The following ACTR1A variants were observed in gnomAD, a reference collection of about 807,000 sequenced individuals.
ACTR1A encodes alpha-centractin.
Under a neutral mutation model 50.7 loss-of-function variants are expected in ACTR1A, and 10 were observed. The observed-to-expected ratio is 0.20, with a 90% CI of 0.12 to 0.33. The LOEUF (loss-of-function observed/expected upper bound fraction) is 0.33. Ranked by LOEUF, ACTR1A falls within the 10% of genes least tolerant of loss-of-function variation. The pLI is 1.00. For synonymous variants in ACTR1A, 177 were observed against 184.2 expected (o/e 0.96, Z 0.32); for missense variants, 253 against 491.7 (o/e 0.51, Z 4.59).
intron 1 of ACTR1A, 115 bp downstream of exon 1, chr10:102,502,485 G>C (rs1227741920): frequency 3.4e-5 from 40 of 1,165,366 alleles, no homozygotes; most frequent in Non-Finnish European, 4.8e-5. Context: ...GGCTGAACGC[G>C]CCTGACAGGC....
rs1255889477 is a variant in ACTR1A, at chr10:102,482,133, G to A, written c.793C>T (p.Pro265Ser). ...TCACTCTCCTCTCCAATCAAATCTG[G>A]CCTGAAGAGCAACTCAGGGGCCCGG... ...RFRAPELLFR[P>S]DLIGEESEGI... Residue 265 changes from proline to serine, a missense_variant, in exon 8 of 11, where the codon CCA becomes TCA. Pro to Ser is a moderately conservative substitution (Grantham distance 74). This residue lies in a region of ACTR1A where 116 missense variants were observed against 155.9 expected (regional missense o/e 0.74). Transcript: ENST00000369905. This position sits in a 1 kb window ranked among gnomAD's most constrained non-coding sequence, Gnocchi z 5.6. The A allele has an allele frequency of 1.2e-6, 2 of 1,613,966 alleles. No homozygotes were observed. The highest frequency in any genetic ancestry group is 8.5e-7 in the Non-Finnish European group (1 of 1,180,026).
At chr10:102,484,091 G>A in intron 6 of ACTR1A, 69 bp downstream of exon 6, 4 of 1,490,060 alleles carry the variant, frequency 2.7e-6, no homozygotes, top group Non-Finnish European at 3.7e-6. Flanking sequence ...TCACTGGCAG[G>A]TCACCAAGGT....
rs1036585296 is a variant in ACTR1A at position 102,488,459 on chromosome 10, T to C, written c.190-184A>G. On this transcript the variant is annotated intron_variant, in intron 3 of 10. Transcript: ENST00000369905. This position sits in a 1 kb window ranked among gnomAD's most constrained non-coding sequence, Gnocchi z 4.4. ...TTCTCCAAGGCTAAATACTGTTTGCTGCAAACTGCCCTCATTCCCGAGGAG... is the reference window on the plus strand; with the variant it reads ...TTCTCCAAGGCTAAATACTGTTTGCCGCAAACTGCCCTCATTCCCGAGGAG... 6.6e-6 allele frequency among the ~76,000 whole-genome samples: 1 copy of C among 152,254 alleles called. No homozygotes were observed. Among genetic ancestry groups the C allele is most frequent in the Non-Finnish European group, 1.5e-5 (1 of 68,052 alleles).
chr10:102,481,288 T>C (rs766177942), intron 9 of ACTR1A, 116 bp from the exon 10 acceptor site: 128 of 1,200,382 alleles, frequency 1.1e-4, no homozygotes, highest in Non-Finnish European at 1.4e-4. Context: ...CCTGAAGCTC[T>C]GGCCTCTCTG....
chr10:102,480,985 A>G lies in ACTR1A; in HGVS notation c.1029-20T>C. 1.2e-6 allele frequency: 2 copies of G among 1,600,792 alleles called. No homozygotes were observed. Among genetic ancestry groups the G allele is most frequent in the Non-Finnish European group, 1.7e-6 (2 of 1,167,870 alleles). On this transcript the variant is annotated intron_variant, in intron 10 of 10. Coordinates refer to ENST00000369905, the MANE Select transcript of ACTR1A (RefSeq NM_005736.4). Reference sequence around the variant, plus strand: ...GAGCCCCTGGAGGGAGGAAACCCAGAGGAACTGTGTGAGAGAGAAGTGGCT... The same window carrying G: ...GAGCCCCTGGAGGGAGGAAACCCAGGGGAACTGTGTGAGAGAGAAGTGGCT...
chr10:102,479,402 C>A lies in ACTR1A; in HGVS notation c.*1461G>T. 1 of 373,518 alleles carries A rather than the reference C, an allele frequency of 2.7e-6. No individual in the cohort carries two copies. The highest frequency in any genetic ancestry group is 5.1e-6 in the Non-Finnish European group (1 of 194,312). The allele number at this position is 373,518 out of a possible 1,614,324, so 23.1% of individuals were successfully genotyped here. On this transcript the variant is annotated 3_prime_UTR_variant, in exon 11 of 11. Transcript: ENST00000369905. This position sits in a 1 kb window ranked among gnomAD's most constrained non-coding sequence, Gnocchi z 4.0. ...CTTTCACACATACCTGCTGCTGTGG[C>A]CCACACCTGGCAGGGGCCTTTGGTC...
intron 1 of ACTR1A, among the ~76,000 whole-genome samples, chr10:102,491,399 A>G (rs933750861): frequency 2.6e-5 from 4 of 152,200 alleles, no homozygotes; most frequent in South Asian, 2.1e-4. Context: ...CGCCATGAGC[A>G]CTGTCATGCT....
chr10:102,493,668 C>T (rs1017337366), intron 1 of ACTR1A, among the ~76,000 whole-genome samples: 16 of 152,236 alleles, frequency 1.1e-4, no homozygotes, highest in Admixed American at 8.5e-4. Context: ...GTGGCATGCA[C>T]TTCATTCTGC....
intron 4 of ACTR1A, among the ~76,000 whole-genome samples, 154 bp from the exon 5 acceptor site, chr10:102,485,887 C>T (rs955100585): frequency 2.0e-5 from 3 of 152,210 alleles, no homozygotes; most frequent in Admixed American, 6.5e-5. Context: ...TCAACTATCC[C>T]TGCCCAAGTA....
rs550090556 is a variant in ACTR1A, at chr10:102,487,882, C to T, written c.315+268G>A. ...TCCTGACCTCGTGATCCACCCGCCT[C>T]GGCCTCCCAAAGTGCTGGGATTACA... On this transcript the variant is annotated intron_variant, in intron 4 of 10. Transcript: ENST00000369905. Among the ~76,000 whole-genome samples the T allele has an allele frequency of 7.9e-5, 12 of 152,190 alleles. No individual in the cohort carries two copies. In the East Asian group the frequency reaches 9.6e-4, roughly 12 times the overall value.
chr10:102,483,499 GT>G, intron 6 of ACTR1A: 1 of 171,464 alleles, frequency 5.8e-6, no homozygotes, highest in Non-Finnish European at 1.2e-5. Flanking sequence ...AAAGACAAAT[GT>G]TTTAAATGTA....
At chr10:102,481,380 G>GGA (rs1554838828) in intron 9 of ACTR1A, among the ~76,000 whole-genome samples, 1 of 134,434 alleles carries the variant, frequency 7.4e-6, no homozygotes, top group African/African-American at 2.6e-5. Context: ...TGGGACTATT[G>GGA]GGGGGGGCAG....
At chr10:102,487,187 G>A (rs746628239) in intron 4 of ACTR1A, among the ~76,000 whole-genome samples, 11 of 152,030 alleles carry the variant, frequency 7.2e-5, no homozygotes, top group South Asian at 2.1e-4. Context: ...AGGTGGAGGC[G>A]GATAGATTGC....
Position 102,484,336 on chromosome 10 carries a change from CA to C in ACTR1A, c.480del (p.Asp162MetfsTer56). On this transcript the variant is annotated frameshift_variant, in exon 6 of 11. Transcript: ENST00000369905. LOFTEE classifies it high-confidence loss of function. The part of the protein sequence containing the change: ...TGRTTGVVLD[S>X]GDGVTHAVPI... ...GGCACAGCATGGGTGACTCCATCCC[CA>C]GAATCCAGCACCACCCCTGTGGTCC... 1 of 1,614,210 alleles carries C rather than the reference CA, an allele frequency of 6.2e-7. No homozygotes were observed. The highest frequency in any genetic ancestry group is 1.7e-5 in the Admixed American group (1 of 60,030).
intron 1 of ACTR1A, among the ~76,000 whole-genome samples, chr10:102,492,320 C>T (rs899804405): frequency 2.0e-5 from 3 of 150,416 alleles, no homozygotes; most frequent in South Asian, 2.1e-4. Context: ...CCACCTGCCT[C>T]GGCCTCCCAA....
chr10:102,492,281 G>A (rs908885193), intron 1 of ACTR1A, among the ~76,000 whole-genome samples: 8 of 151,670 alleles, frequency 5.3e-5, no homozygotes, highest in African/African-American at 1.9e-4. Flanking sequence ...GTGTTGGTCA[G>A]GCTGGTCTCG....
At chr10:102,502,518 C>A (rs552166438) in intron 1 of ACTR1A, 82 bp downstream of exon 1, 2 of 1,488,382 alleles carry the variant, frequency 1.3e-6, no homozygotes, top group Non-Finnish European at 1.9e-6. Flanking sequence ...AAAGAGCCGG[C>A]GGCTCAGGCT....
intron 9 of ACTR1A, 143 bp from the exon 10 acceptor site, chr10:102,481,315 G>T: frequency 1.2e-6 from 1 of 846,910 alleles, no homozygotes; most frequent in East Asian, 2.7e-5. Flanking sequence ...ACTGTGGCCA[G>T]CCTGCCACTC....
Position 102,490,571 on chromosome 10 carries a change from G to C in ACTR1A, c.91C>G (p.Pro31Ala), listed in dbSNP as rs958137042. 4 of 1,613,604 alleles carry C rather than the reference G, an allele frequency of 2.5e-6. No individual in the cohort carries two copies. The highest frequency in any genetic ancestry group is 3.4e-6 in the Non-Finnish European group (4 of 1,179,584). Residue 31 changes from proline to alanine, a missense_variant, in exon 2 of 11, where the codon CCC (proline) becomes GCC (alanine). By Grantham distance (27) the Pro-to-Ala change is conservative. Around this residue, in one of 4 missense-constraint regions of ACTR1A, gnomAD observed 96 missense variants for 238.7 expected, o/e 0.40. Transcript: ENST00000369905. ...IKAGFAGDQI[P>A]KYCFPNYVGR... ...TACTAGTTTGGAAAGCAGTATTTGG[G>C]GATCTGATCACCAGCAAAACCAGCT... is the stretch of plus-strand genomic sequence containing the variant.
Sources: allele counts gnomAD v4.1 joint callset (sites outside exome capture counted in the v4.1 genomes callset), GRCh38; gene constraint gnomAD v4.1.1; regional missense constraint gnomAD v4.1.1; non-coding constraint Gnocchi (gnomAD v3.1); transcripts MANE v1.5; gene names NCBI Gene and HGNC (gene_info 2026-07-23, HGNC 2026-07-21).